The following LIN52 variants were observed in gnomAD, a reference collection of about 807,000 sequenced individuals.
LIN52 encodes the protein protein lin-52 homolog.
LIN52 carries 4 observed loss-of-function variants against 18.5 expected under a neutral mutation model. The observed-to-expected ratio is 0.22, with a 90% CI of 0.11 to 0.49. The LOEUF is 0.49. LIN52 is among the 20% of genes least tolerant of loss of function. LIN52 has a pLI of 0.97. For missense variants in LIN52, 102 were observed against 139.5 expected (o/e 0.73, Z 1.35); for synonymous variants, 34 against 45.5 (o/e 0.75, Z 1.02).
At chr14:74,138,630 G>GTA (rs2061111325) in intron 5 of LIN52, among the ~76,000 whole-genome samples, 1 of 152,022 alleles carries the variant, frequency 6.6e-6, no homozygotes, top group Non-Finnish European at 1.5e-5. Flanking sequence ...GCTCAAGCCT[G>GTA]TAGTCTCTGC....
intron 4 of LIN52, among the ~76,000 whole-genome samples, chr14:74,099,054 A>G (rs1165046930): frequency 6.6e-6 from 1 of 152,210 alleles, no homozygotes; most frequent in Non-Finnish European, 1.5e-5. Flanking sequence ...TTGAAACTCA[A>G]TCACAAAGTG....
chr14:74,107,442 C>G lies in LIN52; in HGVS notation c.283+6204C>G, dbSNP rs567825116. Among the ~76,000 whole-genome samples, 4 of 152,218 alleles carry G rather than the reference C, an allele frequency of 2.6e-5. No homozygotes were observed. The South Asian group carries it at 8.3e-4, about 32-fold the overall frequency. On this transcript the variant is annotated intron_variant, in intron 5 of 5. Transcript: ENST00000555028. ...TCTTCTTAGTTCTACTCATGCTATT[C>G]CTTTTTCTCGGTAAGCTGTCCTTCT...
chr14:74,130,278 GTTTTT>G (rs71460958), intron 5 of LIN52, among the ~76,000 whole-genome samples: 3 of 64,824 alleles, frequency 4.6e-5, no homozygotes, highest in African/African-American at 1.9e-4. Flanking sequence ...GCATTTTTTG[GTTTTT>G]TTTTTTTTTT....
chr14:74,109,781 AATTTTTGTAT>A (rs1297812912), intron 5 of LIN52, among the ~76,000 whole-genome samples: 2 of 152,220 alleles, frequency 1.3e-5, no homozygotes, highest in Non-Finnish European at 2.9e-5. Flanking sequence ...AAATAGAATT[AATTTTTGTAT>A]ATTGATCCTG....
At chr14:74,104,032 G>C (rs1380937249) in intron 5 of LIN52, among the ~76,000 whole-genome samples, 1 of 151,572 alleles carries the variant, frequency 6.6e-6, no homozygotes, top group Admixed American at 6.6e-5. Flanking sequence ...CCAAGTAGCT[G>C]AGATTACAGG....
At chr14:74,104,524 C>G (rs2060884686) in intron 5 of LIN52, among the ~76,000 whole-genome samples, 1 of 149,318 alleles carries the variant, frequency 6.7e-6, no homozygotes, top group East Asian at 2.1e-4. Context: ...TAGAGCTTAA[C>G]ATGTTCACCT....
intron 2 of LIN52, among the ~76,000 whole-genome samples, chr14:74,095,471 C>T (rs1239031489): frequency 2.0e-5 from 3 of 151,854 alleles, no homozygotes; most frequent in African/African-American, 7.3e-5. Context: ...GGGTCTTGCC[C>T]TGTTGCCCAG....
intron 5 of LIN52, among the ~76,000 whole-genome samples, chr14:74,165,513 CTTT>C (rs71460962): frequency 3.6e-5 from 4 of 110,200 alleles, no homozygotes; most frequent in East Asian, 6.6e-4. Flanking sequence ...GTTTTCTTTT[CTTT>C]TTTTTTTTTT....
chr14:74,101,377 A>C, intron 5 of LIN52, 139 bp downstream of exon 5: 1 of 520,664 alleles, frequency 1.9e-6, no homozygotes, highest in Non-Finnish European at 3.3e-6. Flanking sequence ...TTCTGAAGGT[A>C]AGAAGTCAAT....
chr14:74,135,819 G>GT (rs11305985), intron 5 of LIN52, among the ~76,000 whole-genome samples: 52 of 148,526 alleles, frequency 3.5e-4, no homozygotes, highest in African/African-American at 5.4e-4. Flanking sequence ...AGAACAGGGA[G>GT]TTTTTTTTTT....
At chr14:74,096,852 GTGT>G (rs1190803860) in intron 3 of LIN52, among the ~76,000 whole-genome samples, 1 of 152,176 alleles carries the variant, frequency 6.6e-6, no homozygotes, top group Non-Finnish European at 1.5e-5. Context: ...TATGTCTGGA[GTGT>G]GGCCAAGGCA....
At chr14:74,127,526 AG>A (rs2061035760) in intron 5 of LIN52, among the ~76,000 whole-genome samples, 1 of 152,196 alleles carries the variant, frequency 6.6e-6, no homozygotes, top group African/African-American at 2.4e-5. Flanking sequence ...TTATACTGAG[AG>A]CACTGGGAAG....
chr14:74,116,741 T>A (rs2060966940), intron 5 of LIN52, among the ~76,000 whole-genome samples: 1 of 147,694 alleles, frequency 6.8e-6, no homozygotes, highest in Non-Finnish European at 1.5e-5. Context: ...AAAAAAGCAC[T>A]AAAGGGCATT....
chr14:74,146,346 T>G (rs2061152420), intron 5 of LIN52, among the ~76,000 whole-genome samples: 1 of 152,126 alleles, frequency 6.6e-6, no homozygotes, highest in Non-Finnish European at 1.5e-5. Context: ...TTAGTTCTCT[T>G]CAGTTTCCAT....
At chr14:74,092,335 C>A (rs565734656) in intron 2 of LIN52, among the ~76,000 whole-genome samples, 8 of 148,532 alleles carry the variant, frequency 5.4e-5, no homozygotes, top group Admixed American at 6.8e-5. Context: ...GACGGAGTTT[C>A]GCTCTAGTTG....
At chr14:74,146,368 T>G (rs1229280218) in intron 5 of LIN52, among the ~76,000 whole-genome samples, 1 of 152,104 alleles carries the variant, frequency 6.6e-6, no homozygotes, top group East Asian at 1.9e-4. Context: ...AAATGTTATT[T>G]TTATCATGTG....
chr14:74,127,568 A>G (rs1399614273), intron 5 of LIN52, among the ~76,000 whole-genome samples: 1 of 152,212 alleles, frequency 6.6e-6, no homozygotes, highest in African/African-American at 2.4e-5. Flanking sequence ...AACAATATTC[A>G]GTTTCTGATC....
At chr14:74,147,594 A>G (rs1188270816) in intron 5 of LIN52, among the ~76,000 whole-genome samples, 2 of 152,226 alleles carry the variant, frequency 1.3e-5, no homozygotes, top group Non-Finnish European at 2.9e-5. Flanking sequence ...AAGCAATCCA[A>G]ATGTTCATTG....
At position 74,198,984 on chromosome 14, in the gene LIN52, C is replaced by T. The variant is rs748886652; in HGVS notation, c.*7C>T. On this transcript the variant is annotated 3_prime_UTR_variant, in exon 6 of 6. Coordinates refer to ENST00000555028, the MANE Select transcript of LIN52 (RefSeq NM_001024674.3). The stretch of plus-strand genomic sequence containing the variant: ...AGAGAAGCCCAAGAAGTAGCAGCTG[C>T]TTGCGGACAGGATGTCCTGGGGTCC... 1.2e-6 allele frequency: 2 copies of T among 1,607,910 alleles called. No homozygotes were observed. Among genetic ancestry groups the T allele is most frequent in the Non-Finnish European group, 1.7e-6 (2 of 1,174,722 alleles).
Sources: gnomAD v4.1 joint callset for allele counts (sites outside exome capture counted in the v4.1 genomes callset) on GRCh38, gnomAD v4.1.1 for gene constraint, MANE v1.5 for transcripts, NCBI Gene and HGNC (gene_info 2026-07-23, HGNC 2026-07-21) for gene names.